The following CMTM8 variants were observed in gnomAD, a reference collection of about 807,000 sequenced individuals.
CMTM8 encodes the protein CKLF like MARVEL transmembrane domain containing 8, also known as CKLF-like MARVEL transmembrane domain-containing protein 8.
A neutral mutation model predicts 18.6 loss-of-function variants in CMTM8; 12 were observed. The observed-to-expected ratio is 0.65, with a 90% CI of 0.41 to 1.05. The LOEUF (loss-of-function observed/expected upper bound fraction) is 1.05. CMTM8 is among the 50% of genes least tolerant of loss of function. CMTM8 has a pLI of 0.00. For synonymous variants in CMTM8, 87 were observed against 90.6 expected, an observed-to-expected ratio of 0.96 and a Z score of 0.23; for missense variants, 217 against 227.2, an observed-to-expected ratio of 0.95 and a Z score of 0.29.
intron 1 of CMTM8, among the ~76,000 whole-genome samples, chr3:32,297,376 C>A (rs1702899208): frequency 6.6e-6 from 1 of 152,186 alleles, no homozygotes; most frequent in African/African-American, 2.4e-5. Flanking sequence ...GGTGGGGTTT[C>A]ACCATGTTAG....
intron 1 of CMTM8, among the ~76,000 whole-genome samples, chr3:32,277,765 G>T (rs963074578): frequency 2.0e-5 from 3 of 152,128 alleles, no homozygotes; most frequent in African/African-American, 7.2e-5. Flanking sequence ...GTAAATATCA[G>T]ATATTATAAG....
At chr3:32,289,800 C>T (rs1702748398) in intron 1 of CMTM8, among the ~76,000 whole-genome samples, 1 of 152,106 alleles carries the variant, frequency 6.6e-6, no homozygotes, top group African/African-American at 2.4e-5. Flanking sequence ...GAGGCCCTAA[C>T]CAGTGTAGTA....
chr3:32,319,074 A>ATATATATATATATATATT, intron 1 of CMTM8, among the ~76,000 whole-genome samples: 9 of 31,530 alleles, frequency 2.9e-4, no homozygotes, highest in Non-Finnish European at 3.6e-4. Context: ...ATATATATAT[A>ATATATATATATATATATT]TTTTTTTTTT....
chr3:32,359,793 T>A (rs1696887494), intron 2 of CMTM8, among the ~76,000 whole-genome samples: 1 of 152,200 alleles, frequency 6.6e-6, no homozygotes, highest in Admixed American at 6.5e-5. Flanking sequence ...CCGGCACCCC[T>A]GGTTTTAAAA....
intron 1 of CMTM8, among the ~76,000 whole-genome samples, chr3:32,243,148 C>T (rs552786414): frequency 6.6e-6 from 1 of 152,172 alleles, no homozygotes; most frequent in East Asian, 1.9e-4. Flanking sequence ...CTGTCTCAGC[C>T]TCCCAAAGTG....
chr3:32,318,208 C>T (rs1274994474), intron 1 of CMTM8, among the ~76,000 whole-genome samples: 1 of 152,108 alleles, frequency 6.6e-6, no homozygotes, highest in African/African-American at 2.4e-5. Context: ...AGAACATTGT[C>T]CACCTCTAGA....
intron 2 of CMTM8, among the ~76,000 whole-genome samples, chr3:32,364,455 A>G (rs4955284): frequency 0.96 from 145,367 of 152,192 alleles, 69,769 homozygotes; most frequent in East Asian, 1. Flanking sequence ...AGTGAGCCAA[A>G]ATCACGCTAC....
chr3:32,329,062 A>G (rs1446208234), intron 1 of CMTM8, among the ~76,000 whole-genome samples: 3 of 152,174 alleles, frequency 2.0e-5, no homozygotes, highest in Non-Finnish European at 4.4e-5. Context: ...CAATATCAAT[A>G]TTGATTCAAA....
intron 1 of CMTM8, among the ~76,000 whole-genome samples, chr3:32,315,803 A>G (rs1353199176): frequency 1.3e-5 from 2 of 152,154 alleles, no homozygotes; most frequent in Non-Finnish European, 2.9e-5. Context: ...CTTATGTAGT[A>G]TTAAATACTA....
intron 1 of CMTM8, among the ~76,000 whole-genome samples, chr3:32,248,163 GTGCAGCTTATAATGGA>G (rs1449212737): frequency 6.6e-6 from 1 of 152,252 alleles, no homozygotes; most frequent in East Asian, 1.9e-4. Context: ...CTGAATCAGG[GTGCAGCTTATAATGGA>G]TGCCAAATTC....
intron 2 of CMTM8, among the ~76,000 whole-genome samples, chr3:32,361,286 G>GTTTTTTTTTTTGTTTTTTTTTTGT (rs58364646): frequency 1.1e-5 from 1 of 87,228 alleles, no homozygotes; most frequent in African/African-American, 4.0e-5. Context: ...CAGCCTAAGA[G>GTTTTTTTTTTTGTTTTTTTTTTGT]TTTTTTTTTC....
Position 32,370,134 on chromosome 3 carries a change from A to T in CMTM8, c.*167A>T. 1 of 404,940 alleles carries T rather than the reference A, an allele frequency of 2.5e-6. No homozygotes were observed. The highest frequency in any genetic ancestry group is 4.5e-6 in the Non-Finnish European group (1 of 222,182). 25.1% of individuals were successfully genotyped at this position (404,940 alleles called of 1,614,324 possible). A position where few individuals can be genotyped will look rare whatever the true frequency, so the allele number is the denominator to read the frequency against. ...TTTGTTACAATTAAACTGGATACTT[A>T]TTTGCAAAGTGTTGTAGCTTATAAT... On this transcript the variant is annotated 3_prime_UTR_variant, in exon 4 of 4. Transcript: ENST00000307526.
At chr3:32,274,921 G>A (rs2125545922) in intron 1 of CMTM8, among the ~76,000 whole-genome samples, 1 of 152,310 alleles carries the variant, frequency 6.6e-6, no homozygotes. Context: ...AAATCCCACT[G>A]AAGTGATGTT....
intron 1 of CMTM8, among the ~76,000 whole-genome samples, chr3:32,269,053 A>G (rs922215840): frequency 1.3e-4 from 20 of 152,212 alleles, no homozygotes; most frequent in Non-Finnish European, 2.9e-4. Flanking sequence ...AAAGCATCAA[A>G]TATCACTTTG....
At chr3:32,277,561 A>G (rs889991688) in intron 1 of CMTM8, among the ~76,000 whole-genome samples, 1 of 151,868 alleles carries the variant, frequency 6.6e-6, no homozygotes, top group African/African-American at 2.4e-5. Context: ...GTGGGACTGC[A>G]TTTGAGGGTG....
intron 1 of CMTM8, among the ~76,000 whole-genome samples, chr3:32,325,176 A>G (rs1199235747): frequency 6.6e-6 from 1 of 152,184 alleles, no homozygotes; most frequent in African/African-American, 2.4e-5. Context: ...ACTATTTAAA[A>G]TTTTAGCTCA....
At chr3:32,296,785 C>CA (rs1282162768) in intron 1 of CMTM8, among the ~76,000 whole-genome samples, 1 of 152,228 alleles carries the variant, frequency 6.6e-6, no homozygotes, top group African/African-American at 2.4e-5. Context: ...CTGCCTCTCT[C>CA]ACCCAGGTTT....
In CMTM8 at chr3:32,355,800, A is replaced by G. The variant is rs567986933; in HGVS notation, c.148-1573A>G. 3.9e-5 allele frequency among the ~76,000 whole-genome samples: 6 copies of G among 152,312 alleles called. No individual in the cohort carries two copies. In the South Asian group the frequency reaches 8.3e-4, roughly 21 times the overall value. ...CTTACTACACATTCTTACAGGTTCT[A>G]GAAGGTAGCAGAGCCCTTCCCACCT... On this transcript the variant is annotated intron_variant, in intron 1 of 3. Coordinates refer to ENST00000307526, the MANE Select transcript of CMTM8 (RefSeq NM_178868.5).
intron 1 of CMTM8, among the ~76,000 whole-genome samples, chr3:32,267,057 A>G (rs1055025828): frequency 3.9e-5 from 6 of 152,180 alleles, no homozygotes; most frequent in African/African-American, 1.4e-4. Flanking sequence ...TGCCATCCCC[A>G]TCAAGCTACC....
Sources: allele counts gnomAD v4.1 joint callset (sites outside exome capture counted in the v4.1 genomes callset), GRCh38; gene constraint gnomAD v4.1.1; transcripts MANE v1.5; gene names NCBI Gene and HGNC (gene_info 2026-07-23, HGNC 2026-07-21).